ACOXL: variants seen among roughly 807,000 people sequenced by gnomAD.
ACOXL encodes acyl-CoA oxidase like.
Under a neutral mutation model 71.9 loss-of-function variants are expected in ACOXL, and 70 were observed. The ratio of observed to expected loss-of-function variants is 0.97; its 90% confidence interval spans 0.80 to 1.19. The LOEUF (loss-of-function observed/expected upper bound fraction) is 1.19. ACOXL is among the 50% of genes most tolerant of loss of function. ACOXL has a pLI of 0.00. For missense variants in ACOXL, 703 were observed against 736.3 expected (o/e 0.95, Z 0.52); for synonymous variants, 253 against 281.6 (o/e 0.90, Z 1.02).
rs184736803 is a variant in ACOXL, at chr2:110,875,152, C to T, written c.789-33637C>T. Among the ~76,000 whole-genome samples the T allele has an allele frequency of 8.7e-4, 132 of 152,312 alleles. 1 individual carries two copies. Among genetic ancestry groups the T allele is most frequent in the Admixed American group, 6.1e-3 (93 of 15,304 alleles). ...CAGTTAGAGTGAGGCCGACTTCCCA[C>T]GTGCCTACCTAAGCCAGGATGTACA... On this transcript the variant is annotated intron_variant, in intron 10 of 17. Transcript: ENST00000439055.
chr2:110,946,386 C>T (rs562027621), intron 12 of ACOXL, among the ~76,000 whole-genome samples: 1 of 152,148 alleles, frequency 6.6e-6, no homozygotes, highest in Non-Finnish European at 1.5e-5. Flanking sequence ...CTTTCTCTTG[C>T]CTGATTGCTG....
intron 10 of ACOXL, among the ~76,000 whole-genome samples, chr2:110,841,822 G>T (rs17524344): frequency 6.6e-6 from 1 of 152,084 alleles, no homozygotes; most frequent in Non-Finnish European, 1.5e-5. Flanking sequence ...CTGTGTCTTA[G>T]GATGCCTGAC....
intron 1 of ACOXL, among the ~76,000 whole-genome samples, chr2:110,763,529 T>A (rs1233270215): frequency 1.3e-5 from 2 of 152,108 alleles, no homozygotes; most frequent in Non-Finnish European, 2.9e-5. Flanking sequence ...CTTACACCCT[T>A]CACAGAAAGT....
chr2:110,982,832 T>C (rs2062771694), intron 12 of ACOXL, among the ~76,000 whole-genome samples: 1 of 152,200 alleles, frequency 6.6e-6, no homozygotes, highest in African/African-American at 2.4e-5. Flanking sequence ...GCCAGCTTCA[T>C]GGGGTGAGAT....
chr2:110,931,027 A>G (rs1265672591), intron 11 of ACOXL, among the ~76,000 whole-genome samples: 1 of 152,222 alleles, frequency 6.6e-6, no homozygotes, highest in South Asian at 2.1e-4. Context: ...TTCTTGAGAC[A>G]TCACCTATTA....
chr2:110,760,414 G>T (rs1292112560), intron 1 of ACOXL, among the ~76,000 whole-genome samples: 1 of 152,170 alleles, frequency 6.6e-6, no homozygotes, highest in Non-Finnish European at 1.5e-5. Context: ...AAAGTGCTGG[G>T]ATTACAGGCG....
At chr2:110,855,875 C>T (rs1003375162) in intron 10 of ACOXL, among the ~76,000 whole-genome samples, 3 of 152,138 alleles carry the variant, frequency 2.0e-5, no homozygotes, top group African/African-American at 7.2e-5. Context: ...AGCAAAAGGA[C>T]AAAGTTTCCA....
chr2:110,837,112 C>T (rs951133700), intron 9 of ACOXL, among the ~76,000 whole-genome samples: 2 of 152,182 alleles, frequency 1.3e-5, no homozygotes, highest in Non-Finnish European at 1.5e-5. Context: ...AGGTCATGGC[C>T]CCTCCAGCAT....
chr2:111,040,398 C>T (rs2065725740), intron 15 of ACOXL, among the ~76,000 whole-genome samples: 1 of 152,232 alleles, frequency 6.6e-6, no homozygotes, highest in African/African-American at 2.4e-5. Flanking sequence ...GACATCTACT[C>T]AGTTATCCTT....
At chr2:110,897,571 G>A (rs1396964995) in intron 10 of ACOXL, among the ~76,000 whole-genome samples, 6 of 152,124 alleles carry the variant, frequency 3.9e-5, no homozygotes, top group African/African-American at 9.7e-5. Flanking sequence ...TATGAGGGCC[G>A]AGCCCTTATG....
chr2:110,905,797 A>G (rs1389425595), intron 10 of ACOXL, among the ~76,000 whole-genome samples: 1 of 152,164 alleles, frequency 6.6e-6, no homozygotes, highest in Non-Finnish European at 1.5e-5. Flanking sequence ...TTTTAAAGAA[A>G]GTCTGGACAT....
chr2:110,833,813 C>T (rs749871947), intron 9 of ACOXL, among the ~76,000 whole-genome samples: 21 of 151,958 alleles, frequency 1.4e-4, no homozygotes, highest in Admixed American at 9.2e-4. Flanking sequence ...AGAATTTGAT[C>T]GAGGAAAAGG....
chr2:110,872,315 A>G (rs1303228376), intron 10 of ACOXL, among the ~76,000 whole-genome samples: 1 of 152,224 alleles, frequency 6.6e-6, no homozygotes, highest in Non-Finnish European at 1.5e-5. Context: ...AGGAGGGGAC[A>G]TAGAGGGCAT....
At chr2:110,768,295 G>C (rs540281626) in intron 1 of ACOXL, 73 bp from the exon 2 acceptor site, 4 of 1,225,126 alleles carry the variant, frequency 3.3e-6, no homozygotes, top group African/African-American at 1.5e-5. Context: ...GTCTGAGCCC[G>C]GGGTCAAAGC....
chr2:111,062,232 C>T (rs2066852998), intron 16 of ACOXL, among the ~76,000 whole-genome samples: 1 of 151,754 alleles, frequency 6.6e-6, no homozygotes, highest in South Asian at 2.1e-4. Flanking sequence ...CATAGAAAGA[C>T]AGTCTATATT....
chr2:110,845,706 CTTAT>C (rs1443003601), intron 10 of ACOXL, among the ~76,000 whole-genome samples: 2 of 152,112 alleles, frequency 1.3e-5, no homozygotes, highest in Non-Finnish European at 2.9e-5. Context: ...TCGTGACTAC[CTTAT>C]TTAACTTAGC....
At chr2:110,851,069 A>C (rs976110309) in intron 10 of ACOXL, among the ~76,000 whole-genome samples, 1 of 152,174 alleles carries the variant, frequency 6.6e-6, no homozygotes, top group Non-Finnish European at 1.5e-5. Context: ...GAAAAGAGCA[A>C]ACTATAGGGA....
chr2:110,914,852 AG>A (rs2059779840), intron 11 of ACOXL, among the ~76,000 whole-genome samples: 1 of 152,132 alleles, frequency 6.6e-6, no homozygotes, highest in Non-Finnish European at 1.5e-5. Context: ...GTGGGTATAT[AG>A]TAGGTGTTAC....
chr2:111,079,248 A>G (rs1453880447), intron 16 of ACOXL, among the ~76,000 whole-genome samples: 1 of 152,052 alleles, frequency 6.6e-6, no homozygotes, highest in Non-Finnish European at 1.5e-5. Flanking sequence ...TTTCTCATCT[A>G]TCCCCCCAGC....
Sources: allele counts gnomAD v4.1 joint callset (sites outside exome capture counted in the v4.1 genomes callset), GRCh38; gene constraint gnomAD v4.1.1; transcripts MANE v1.5; gene names NCBI Gene and HGNC (gene_info 2026-07-23, HGNC 2026-07-21).